ANK2: variants seen among roughly 807,000 people sequenced by gnomAD.
ANK2 encodes the protein ankyrin 2, also known as ankyrin-2.
ANK2 carries 83 observed loss-of-function variants against 360.5 expected under a neutral mutation model. The observed-to-expected ratio is 0.23, with a 90% CI of 0.19 to 0.28. ANK2 has a LOEUF of 0.28. ANK2 is among the 10% of genes least tolerant of loss of function. The pLI is 1.00. For synonymous variants in ANK2, 1,740 were observed against 1,759.5 expected (o/e 0.99, Z 0.28); for missense variants, 4,201 against 4,795.7 (o/e 0.88, Z 3.66).
chr4:112,748,192 A>G, the ANK2 span, among the ~76,000 whole-genome samples: 14 of 152,190 alleles, frequency 9.2e-5, no homozygotes, highest in African/African-American at 3.4e-4. Context: ...AAGTTTTAAA[A>G]TCTGGAACTG....
chr4:113,372,314 A>AT (rs1253885626), intron 43 of ANK2, among the ~76,000 whole-genome samples: 1 of 151,946 alleles, frequency 6.6e-6, no homozygotes, highest in African/African-American at 2.4e-5. Flanking sequence ...GAATTCCAGA[A>AT]TTTTTTTTCA....
the ANK2 span, among the ~76,000 whole-genome samples, chr4:112,764,238 C>G: frequency 6.6e-6 from 1 of 152,182 alleles, no homozygotes; most frequent in South Asian, 2.1e-4. Context: ...CCACTGCGCC[C>G]GGCCCCCTCT....
intron 2 of ANK2, among the ~76,000 whole-genome samples, chr4:112,922,882 T>C (rs1308580870): frequency 1.3e-5 from 2 of 152,182 alleles, no homozygotes. Context: ...ATAAAGTTCT[T>C]ATTTTAGGTT....
intron 4 of ANK2, among the ~76,000 whole-genome samples, chr4:113,215,541 G>A (rs558648238): frequency 1.3e-5 from 2 of 152,198 alleles, no homozygotes; most frequent in East Asian, 3.9e-4. Context: ...AGTGGGGAGT[G>A]GAGAAAAGAT....
At position 113,155,954 on chromosome 4, in the gene ANK2, A is replaced by G. The variant is rs867721390; in HGVS notation, c.85-18462A>G. Among the ~76,000 whole-genome samples the G allele has an allele frequency of 4.6e-5, 7 of 152,350 alleles. 1 individual carries two copies. The Middle Eastern group carries it at 0.024, about 518-fold the overall frequency. ...GCAATTTGAGTTTATGATTGTGTTG[A>G]GGTGGTCTCTTTGGCAAACATTTGT... On this transcript the variant is annotated intron_variant, in intron 1 of 45. Coordinates refer to ENST00000357077, the MANE Select transcript of ANK2 (RefSeq NM_001148.6).
chr4:113,126,743 G>A (rs1397158036), intron 1 of ANK2, among the ~76,000 whole-genome samples: 1 of 152,122 alleles, frequency 6.6e-6, no homozygotes, highest in African/African-American at 2.4e-5. Flanking sequence ...TCGAATATAA[G>A]GGCCCTTGTA....
intron 29 of ANK2, among the ~76,000 whole-genome samples, chr4:113,335,229 C>T (rs2093346844): frequency 6.6e-6 from 1 of 152,146 alleles, no homozygotes; most frequent in South Asian, 2.1e-4. Context: ...AATTTAATGG[C>T]ATCAGGGGAA....
At chr4:113,208,965 G>GA (rs2153446075) in intron 4 of ANK2, among the ~76,000 whole-genome samples, 1 of 152,094 alleles carries the variant, frequency 6.6e-6, no homozygotes, top group South Asian at 2.1e-4. Context: ...TAAAGACAGT[G>GA]AAGAGGCAAA....
At chr4:113,192,933 A>T (rs963255980) in intron 2 of ANK2, among the ~76,000 whole-genome samples, 4 of 151,422 alleles carry the variant, frequency 2.6e-5, no homozygotes, top group Admixed American at 2.6e-4. Flanking sequence ...TTAAAAAAAA[A>T]AAAAAAAACA....
At chr4:112,792,661 A>G in the ANK2 span, among the ~76,000 whole-genome samples, 1 of 152,252 alleles carries the variant, frequency 6.6e-6, no homozygotes, top group Admixed American at 6.5e-5. Flanking sequence ...ATTTTGTCAG[A>G]TACAAGGTTT....
chr4:113,343,122 A>C lies in ANK2; in HGVS notation c.4228A>C (p.Arg1410=), dbSNP rs2094471427. 6.2e-7 allele frequency: 1 copy of C among 1,613,596 alleles called. No homozygotes were observed. Among genetic ancestry groups the C allele is most frequent in the African/African-American group, 1.3e-5 (1 of 74,926 alleles). Residue 1410 remains arginine, a synonymous_variant, in exon 34 of 46, where the codon AGA becomes CGA. Coordinates refer to ENST00000357077, the MANE Select transcript of ANK2 (RefSeq NM_001148.6). ...CAGTTTTTTTGCCTTCAAAGAAAAT[A>C]GACTTCCTCTATTTGTCAAGGTAAT... ...IFSFFAFKEN[R]LPLFVKVRDT...
At chr4:112,884,656 G>A (rs2077746885) in intron 1 of ANK2, among the ~76,000 whole-genome samples, 2 of 152,066 alleles carry the variant, frequency 1.3e-5, no homozygotes, top group African/African-American at 4.8e-5. Flanking sequence ...CCTTTCTCAC[G>A]ACCCTATAAT....
At position 112,936,488 on chromosome 4, in the gene ANK2, G is replaced by A. The variant is rs190561122; in HGVS notation, c.21+31974G>A. The stretch of plus-strand genomic sequence containing the variant: ...AGCCTCCTGAGTAGCTGGGATTACA[G>A]GCGCGTGCCACCACACCTGGCTAAT... On this transcript the variant is annotated intron_variant, in intron 2 of 30. Coordinates refer to the ANK2 transcript ENST00000503271. Among the ~76,000 whole-genome samples, 268 of 152,144 alleles carry A rather than the reference G, an allele frequency of 1.8e-3. 1 individual carries two copies. Among genetic ancestry groups the A allele is most frequent in the Admixed American group, 5.2e-3 (79 of 15,294 alleles).
chr4:113,226,290 G>T (rs1327127337), intron 4 of ANK2, among the ~76,000 whole-genome samples: 1 of 152,124 alleles, frequency 6.6e-6, no homozygotes, highest in East Asian at 1.9e-4. Flanking sequence ...ATAAAATTCA[G>T]ACTCCTCAGC....
chr4:113,360,202 C>T (rs1006225721), intron 38 of ANK2, among the ~76,000 whole-genome samples: 11 of 152,110 alleles, frequency 7.2e-5, no homozygotes, highest in African/African-American at 2.7e-4. Context: ...AGCTTAATAG[C>T]AAGAAGGCAG....
chr4:113,262,803 G>C (rs1382826797), intron 13 of ANK2, among the ~76,000 whole-genome samples: 1 of 151,730 alleles, frequency 6.6e-6, no homozygotes, highest in Non-Finnish European at 1.5e-5. Context: ...TTTATATAAA[G>C]GACTTGAGCA....
chr4:112,810,139 ATATATATATATATATATATATTTT>A, the ANK2 span, among the ~76,000 whole-genome samples: 2 of 34,660 alleles, frequency 5.8e-5, no homozygotes, highest in Admixed American at 3.4e-4. Flanking sequence ...ATATATATAT[ATATATATATATATATATATATTTT>A]TTTTTTTTTT....
At chr4:113,228,066 T>C (rs997497844) in intron 4 of ANK2, among the ~76,000 whole-genome samples, 2 of 152,242 alleles carry the variant, frequency 1.3e-5, no homozygotes, top group Non-Finnish European at 2.9e-5. Context: ...ACCAGGGTCA[T>C]GGTGCAAGGC....
At chr4:112,738,927 G>T in the ANK2 span, 3 of 705,638 alleles carry the variant, frequency 4.3e-6, no homozygotes, top group Non-Finnish European at 7.5e-6. Flanking sequence ...AGTGGCTTCC[G>T]CAAGTTCCTG....
Sources: gnomAD v4.1 joint callset for allele counts (sites outside exome capture counted in the v4.1 genomes callset) on GRCh38, gnomAD v4.1.1 for gene constraint, MANE v1.5 for transcripts, NCBI Gene and HGNC (gene_info 2026-07-23, HGNC 2026-07-21) for gene names.